The following SCAMP1 variants were observed in gnomAD, a reference collection of about 807,000 sequenced individuals.
The protein encoded by SCAMP1 is secretory carrier-associated membrane protein 1.
Under a neutral mutation model 41.8 loss-of-function variants are expected in SCAMP1, and 15 were observed. That is an observed-to-expected ratio of 0.36 (90% CI 0.24 to 0.55). The LOEUF (loss-of-function observed/expected upper bound fraction) is 0.55. SCAMP1 is among the 20% of genes least tolerant of loss of function. The probability of loss-of-function intolerance (pLI) is 0.86; values close to 1 mark genes in which losing one functional copy is unlikely to be tolerated. For missense variants in SCAMP1, 341 were observed against 412.6 expected (o/e 0.83, Z 1.50); for synonymous variants, 135 against 136.8 (o/e 0.99, Z 0.09).
intron 2 of SCAMP1, among the ~76,000 whole-genome samples, chr5:78,394,279 T>C (rs13159260): frequency 0.37 from 56,413 of 152,084 alleles, 12,607 homozygotes; most frequent in Non-Finnish European, 0.5. Context: ...ACCTAGGCCC[T>C]GTCACTAAGC....
At chr5:78,451,899 C>A (rs576290001) in intron 7 of SCAMP1, among the ~76,000 whole-genome samples, 137 of 152,344 alleles carry the variant, frequency 9.0e-4, no homozygotes, top group African/African-American at 3.1e-3. Flanking sequence ...GTGTGATCTG[C>A]CCGCCTCAGC....
intron 2 of SCAMP1, among the ~76,000 whole-genome samples, chr5:78,394,908 T>C (rs1374949483): frequency 6.6e-6 from 1 of 152,254 alleles, no homozygotes; most frequent in Admixed American, 6.5e-5. Context: ...GCTGGAGATA[T>C]TACCTGTCTG....
rs1306559949 is a variant in SCAMP1, at chr5:78,476,087, TGAAA to T, written c.*424_*427del. On this transcript the variant is annotated 3_prime_UTR_variant, in exon 9 of 9. Transcript: ENST00000621999. ...TTCATTCCTTTTTCCCTATTTATAT[TGAAA>T]GAAATAGGCCAGCAGAGACTTAGGG... 6.5e-6 allele frequency: 1 copy of T among 152,762 alleles called. No homozygotes were observed. The highest frequency in any genetic ancestry group is 1.5e-5 in the Non-Finnish European group (1 of 68,128). The allele number at this position is 152,762 out of a possible 1,614,324, so 9.5% of individuals were successfully genotyped here. A position where few individuals can be genotyped will look rare whatever the true frequency, so the allele number is the denominator to read the frequency against.
intron 8 of SCAMP1, among the ~76,000 whole-genome samples, chr5:78,467,780 A>G (rs1291727396): frequency 6.6e-6 from 1 of 152,236 alleles, no homozygotes; most frequent in African/African-American, 2.4e-5. Context: ...ACCAGCTTTC[A>G]TATTTTAATA....
At chr5:78,406,611 T>C (rs1344138982) in intron 2 of SCAMP1, among the ~76,000 whole-genome samples, 2 of 152,192 alleles carry the variant, frequency 1.3e-5, no homozygotes, top group East Asian at 3.9e-4. Context: ...CCATCCACTA[T>C]TGTATAATCA....
intron 7 of SCAMP1, among the ~76,000 whole-genome samples, chr5:78,457,169 C>T (rs1232821106): frequency 2.0e-5 from 3 of 151,690 alleles, no homozygotes; most frequent in Non-Finnish European, 2.9e-5. Context: ...TCGTCTGAAG[C>T]CTTCTTCTCT....
At chr5:78,387,024 T>C (rs1299082891) in intron 1 of SCAMP1, among the ~76,000 whole-genome samples, 1 of 152,236 alleles carries the variant, frequency 6.6e-6, no homozygotes, top group Non-Finnish European at 1.5e-5. Context: ...GGGGAAGTTT[T>C]CCTCAATTAT....
At chr5:78,362,954 G>A (rs1303861020) in intron 1 of SCAMP1, among the ~76,000 whole-genome samples, 2 of 146,812 alleles carry the variant, frequency 1.4e-5, no homozygotes, top group East Asian at 2.0e-4. Context: ...GTGCAATGGC[G>A]TGATCTCAAC....
intron 8 of SCAMP1, among the ~76,000 whole-genome samples, chr5:78,468,365 CAGAA>C (rs1402600135): frequency 6.6e-5 from 10 of 152,144 alleles, no homozygotes; most frequent in Admixed American, 3.3e-4. Context: ...TTAGAACTAT[CAGAA>C]AGAATTGAGT....
intron 2 of SCAMP1, among the ~76,000 whole-genome samples, chr5:78,391,320 C>T (rs1446216744): frequency 6.6e-6 from 1 of 151,418 alleles, no homozygotes; most frequent in Admixed American, 6.6e-5. Context: ...GGCGGCTGGC[C>T]GGGCAGAGGG....
intron 8 of SCAMP1, among the ~76,000 whole-genome samples, chr5:78,470,804 A>C (rs1318093511): frequency 6.6e-6 from 1 of 152,104 alleles, no homozygotes; most frequent in East Asian, 1.9e-4. Context: ...ATCCTTGCCA[A>C]CACTTGTGAT....
intron 2 of SCAMP1, among the ~76,000 whole-genome samples, chr5:78,396,152 C>T (rs768933460): frequency 6.6e-6 from 1 of 152,146 alleles, no homozygotes; most frequent in Non-Finnish European, 1.5e-5. Context: ...CAGAACTACT[C>T]TATATGATAC....
At chr5:78,459,664 T>G (rs1488578876) in intron 8 of SCAMP1, among the ~76,000 whole-genome samples, 1 of 152,224 alleles carries the variant, frequency 6.6e-6, no homozygotes, top group East Asian at 1.9e-4. Context: ...AAATTTCTTT[T>G]TTTTGATATG....
At chr5:78,440,770 C>G (rs1233872322) in intron 6 of SCAMP1, among the ~76,000 whole-genome samples, 1 of 152,240 alleles carries the variant, frequency 6.6e-6, no homozygotes, top group East Asian at 1.9e-4. Context: ...GCAGAAGTTT[C>G]TGCTGCCTTT....
intron 6 of SCAMP1, among the ~76,000 whole-genome samples, chr5:78,449,000 CAA>C (rs370076536): frequency 1.5e-5 from 2 of 136,446 alleles, no homozygotes; most frequent in Non-Finnish European, 1.6e-5. Flanking sequence ...AACTCCGTCT[CAA>C]AAAAAAAAAA....
intron 6 of SCAMP1, among the ~76,000 whole-genome samples, chr5:78,449,659 T>G (rs1753167368): frequency 6.6e-6 from 1 of 152,212 alleles, no homozygotes; most frequent in African/African-American, 2.4e-5. Context: ...TAAGTTTTTT[T>G]GTCAAGAGGG....
intron 6 of SCAMP1, among the ~76,000 whole-genome samples, chr5:78,436,735 C>A (rs560272458): frequency 6.6e-6 from 1 of 151,922 alleles, no homozygotes; most frequent in Non-Finnish European, 1.5e-5. Flanking sequence ...TGAACTTTAC[C>A]GTAGTTTTTT....
At chr5:78,426,552 T>C (rs894536100) in intron 6 of SCAMP1, among the ~76,000 whole-genome samples, 1 of 152,082 alleles carries the variant, frequency 6.6e-6, no homozygotes, top group African/African-American at 2.4e-5. Flanking sequence ...ATGATGAGCT[T>C]TTTTTCATGT....
chr5:78,475,431 T>G, intron 8 of SCAMP1, 73 bp from the exon 9 acceptor site: 1,425 of 1,079,628 alleles, frequency 1.3e-3, no homozygotes, highest in Non-Finnish European at 1.7e-3. Context: ...TGATTAATGT[T>G]GAGATTAAGA....
Sources: allele counts gnomAD v4.1 joint callset (sites outside exome capture counted in the v4.1 genomes callset), GRCh38; gene constraint gnomAD v4.1.1; transcripts MANE v1.5; gene names NCBI Gene and HGNC (gene_info 2026-07-23, HGNC 2026-07-21).